SKAP2: variants seen among roughly 807,000 people sequenced by gnomAD.
SKAP2 encodes src kinase associated phosphoprotein 2, also known as src kinase-associated phosphoprotein 2.
Under a neutral mutation model 54.9 loss-of-function variants are expected in SKAP2, and 28 were observed. The ratio of observed to expected loss-of-function variants is 0.51; its 90% CI spans 0.38 to 0.70. The LOEUF (loss-of-function observed/expected upper bound fraction) is 0.70. SKAP2 is among the 30% of genes least tolerant of loss of function. The probability of loss-of-function intolerance (pLI) is 0.00; values close to 1 mark genes in which losing one functional copy is unlikely to be tolerated. For synonymous variants in SKAP2, 137 were observed against 134.3 expected, an observed-to-expected ratio of 1.02 and a Z score of -0.14; for missense variants, 356 against 424.1, an observed-to-expected ratio of 0.84 and a Z score of 1.41.
At chr7:26,757,988 C>T (rs1782834814) in intron 4 of SKAP2, among the ~76,000 whole-genome samples, 1 of 152,178 alleles carries the variant, frequency 6.6e-6, no homozygotes, top group South Asian at 2.1e-4. Flanking sequence ...GTCTCGATCT[C>T]CTGACCTCAT....
At chr7:26,656,290 A>C in the SKAP2 span, among the ~76,000 whole-genome samples, 6 of 152,184 alleles carry the variant, frequency 3.9e-5, no homozygotes, top group African/African-American at 1.4e-4. Context: ...CACAAATTAC[A>C]ATACAGGACT....
In SKAP2 at chr7:26,827,881, T is replaced by C. The variant is rs186891199; in HGVS notation, c.307+16149A>G. Among the ~76,000 whole-genome samples, 450 of 152,330 alleles carry C rather than the reference T, an allele frequency of 3.0e-3. 6 individuals are homozygous for C. In the Middle Eastern group the frequency reaches 0.031, roughly 10 times the overall value. On this transcript the variant is annotated intron_variant, in intron 4 of 12. Transcript: ENST00000345317. ...GACCAGTCTTTAGGCCACACACTGA[T>C]AGCAAGTGCTGCTTAGAAAATTCAC...
chr7:26,813,075 A>C (rs1784189058), intron 4 of SKAP2, among the ~76,000 whole-genome samples: 1 of 152,204 alleles, frequency 6.6e-6, no homozygotes, highest in Non-Finnish European at 1.5e-5. Flanking sequence ...ACTAGTTCTT[A>C]AATGTGACAA....
At chr7:26,800,011 C>G (rs1783877671) in intron 4 of SKAP2, among the ~76,000 whole-genome samples, 1 of 93,996 alleles carries the variant, frequency 1.1e-5, no homozygotes, top group South Asian at 3.4e-4. Flanking sequence ...GTAGTCCCAG[C>G]TACTTAGGAG....
rs58826714 is a variant in SKAP2 at position 26,717,509 on chromosome 7, C to CAAAAAAAAAAAAAAAAAAAAAAAAA, written c.796+7894_796+7918dup. ...TGGGTGACAGAGCAAGACCCCATCT[C>CAAAAAAAAAAAAAAAAAAAAAAAAA]AAAAAAAAAAAAAAAAAAAAAAAAA... On this transcript the variant is annotated intron_variant, in intron 9 of 12. Transcript: ENST00000345317. Among the ~76,000 whole-genome samples the CAAAAAAAAAAAAAAAAAAAAAAAAA allele has an allele frequency of 4.3e-4, 10 of 23,136 alleles. 2 individuals are homozygous for CAAAAAAAAAAAAAAAAAAAAAAAAA. Among genetic ancestry groups the CAAAAAAAAAAAAAAAAAAAAAAAAA allele is most frequent in the Non-Finnish European group, 8.3e-4 (8 of 9,596 alleles). The allele number at this position is 23,136 out of a possible 152,430, so 15.2% of individuals were successfully genotyped here. A position where few individuals can be genotyped will look rare whatever the true frequency, so the allele number is the denominator to read the frequency against.
rs1785332594 is a variant in SKAP2, at chr7:26,864,426, G to T, written c.4C>A (p.Pro2Thr). 1 of 1,606,394 alleles carries T rather than the reference G, an allele frequency of 6.2e-7. No individual in the cohort carries two copies. ...GGAGAGGAGGTGCTGCTGGGGTTGG[G>T]CATGTTAGGGAGCGCAGGGCGTGCG... is the stretch of plus-strand genomic sequence containing the variant. Reference protein sequence around the residue: MPNPSSTSSPYP... With the variant: MTNPSSTSSPYP... The change falls in exon 1 of 13, where the codon CCC (proline) becomes ACC (threonine). Residue 2 changes from proline (P) to threonine (T), a missense_variant. By Grantham distance (38) the Pro-to-Thr change is conservative. Coordinates refer to ENST00000345317, the MANE Select transcript of SKAP2 (RefSeq NM_003930.5).
intron 4 of SKAP2, among the ~76,000 whole-genome samples, chr7:26,835,756 G>A (rs907170817): frequency 1.3e-5 from 2 of 152,056 alleles, no homozygotes; most frequent in Admixed American, 6.5e-5. Flanking sequence ...ATGAAAAATG[G>A]CCATACTACC....
chr7:26,750,003 T>C (rs1379552667), intron 4 of SKAP2, among the ~76,000 whole-genome samples: 1 of 151,800 alleles, frequency 6.6e-6, no homozygotes, highest in African/African-American at 2.4e-5. Context: ...CACATAACCC[T>C]AAGAGGTTAA....
At chr7:26,807,304 G>A (rs1275594878) in intron 4 of SKAP2, among the ~76,000 whole-genome samples, 3 of 152,150 alleles carry the variant, frequency 2.0e-5, no homozygotes, top group Admixed American at 6.5e-5. Flanking sequence ...TAATCCTCAC[G>A]TGTCCAGGGA....
At chr7:26,856,920 G>A (rs1388299934) in intron 1 of SKAP2, among the ~76,000 whole-genome samples, 5 of 149,480 alleles carry the variant, frequency 3.3e-5, no homozygotes, top group Admixed American at 6.7e-5. Flanking sequence ...ACAATGAATT[G>A]CCCCCAAGAG....
chr7:26,671,927 C>A (rs1456841685), intron 11 of SKAP2, among the ~76,000 whole-genome samples: 1 of 151,936 alleles, frequency 6.6e-6, no homozygotes, highest in East Asian at 1.9e-4. Context: ...AAGCCTAATG[C>A]TTAAAAAAAC....
intron 4 of SKAP2, among the ~76,000 whole-genome samples, chr7:26,832,485 C>A (rs1014606532): frequency 6.6e-6 from 1 of 152,132 alleles, no homozygotes; most frequent in African/African-American, 2.4e-5. Context: ...AAGCATCAAC[C>A]TTTCCTCCTA....
At chr7:26,769,669 G>A (rs1334497597) in intron 4 of SKAP2, among the ~76,000 whole-genome samples, 3 of 152,148 alleles carry the variant, frequency 2.0e-5, no homozygotes, top group Non-Finnish European at 4.4e-5. Flanking sequence ...TGATGTTGAA[G>A]CCATTGCTTT....
At chr7:26,854,710 C>G in intron 2 of SKAP2, 75 bp downstream of exon 2, 1 of 1,395,676 alleles carries the variant, frequency 7.2e-7, no homozygotes, top group Non-Finnish European at 9.7e-7. Flanking sequence ...CCATAATAAT[C>G]GATTTCTTAT....
chr7:26,833,397 CAAA>C (rs1218013639), intron 4 of SKAP2, among the ~76,000 whole-genome samples: 7 of 85,098 alleles, frequency 8.2e-5, no homozygotes, highest in Admixed American at 1.4e-4. Context: ...GACTCCGTCT[CAAA>C]AAAAAAAAAA....
intron 4 of SKAP2, among the ~76,000 whole-genome samples, chr7:26,762,520 G>A (rs892376905): frequency 1.9e-4 from 29 of 151,782 alleles, no homozygotes; most frequent in Admixed American, 1.7e-3. Flanking sequence ...TCCTAAAGAC[G>A]CTAATGCTTG....
At chr7:26,799,268 C>T (rs916237618) in intron 4 of SKAP2, among the ~76,000 whole-genome samples, 12 of 142,778 alleles carry the variant, frequency 8.4e-5, no homozygotes, top group Middle Eastern at 3.4e-3. Context: ...AAGACACAGA[C>T]GGGCTGAATG....
intron 4 of SKAP2, among the ~76,000 whole-genome samples, chr7:26,794,913 A>G (rs150123501): frequency 1.2e-3 from 182 of 152,304 alleles, no homozygotes; most frequent in Admixed American, 3.5e-3. Context: ...CTGTACGTAT[A>G]TAAGTTCCTA....
Position 26,773,450 on chromosome 7 carries a change from G to T in SKAP2, c.308-33486C>A, listed in dbSNP as rs1356908145. 1.3e-5 allele frequency among the ~76,000 whole-genome samples: 2 copies of T among 152,138 alleles called. 1 individual carries two copies. Among genetic ancestry groups the T allele is most frequent in the South Asian group, 4.1e-4 (2 of 4,832 alleles). On this transcript the variant is annotated intron_variant, in intron 4 of 12. Coordinates refer to ENST00000345317, the MANE Select transcript of SKAP2 (RefSeq NM_003930.5). ...AGTTACATTCATTCTGCATCTTCCA[G>T]CTAATACATTTCCAAAGGAACATCA...
Sources: allele counts gnomAD v4.1 joint callset (sites outside exome capture counted in the v4.1 genomes callset), GRCh38; gene constraint gnomAD v4.1.1; transcripts MANE v1.5; gene names NCBI Gene and HGNC (gene_info 2026-07-23, HGNC 2026-07-21).